GRIN2B: variants seen among roughly 807,000 people sequenced by gnomAD.
The protein encoded by GRIN2B is glutamate ionotropic receptor NMDA type subunit 2B, also known as glutamate receptor ionotropic, NMDA 2B.
Under a neutral mutation model 114.5 loss-of-function variants are expected in GRIN2B, and 5 were observed. The ratio of observed to expected loss-of-function variants is 0.04; its 90% confidence interval spans 0.02 to 0.09. The LOEUF (loss-of-function observed/expected upper bound fraction) is 0.09. Ranked by LOEUF, GRIN2B falls within the 10% of genes least tolerant of loss-of-function variation. The probability of loss-of-function intolerance (pLI) is 1.00; values close to 1 mark genes in which losing one functional copy is unlikely to be tolerated. For synonymous variants in GRIN2B, 787 were observed against 745.1 expected (o/e 1.06, Z -0.92); for missense variants, 1,108 against 1,943.5 (o/e 0.57, Z 8.08).
intron 2 of GRIN2B, among the ~76,000 whole-genome samples, chr12:13,970,599 G>A (rs534866928): frequency 6.0e-5 from 9 of 150,666 alleles, no homozygotes; most frequent in South Asian, 2.1e-4. Flanking sequence ...GTCCTCACAG[G>A]AAAATAAAAA....
chr12:13,754,799 G>A (rs916514617), intron 3 of GRIN2B, among the ~76,000 whole-genome samples: 13 of 152,084 alleles, frequency 8.5e-5, no homozygotes, highest in Admixed American at 8.5e-4. Flanking sequence ...GGTTTGACCT[G>A]GGCATTGCAC....
At chr12:13,951,074 C>T (rs1258179337) in intron 2 of GRIN2B, among the ~76,000 whole-genome samples, 2 of 151,918 alleles carry the variant, frequency 1.3e-5, no homozygotes, top group Non-Finnish European at 2.9e-5. Flanking sequence ...ATATGGCCTG[C>T]CAGATAAAAT....
At chr12:13,902,201 C>A (rs1361980159) in intron 2 of GRIN2B, among the ~76,000 whole-genome samples, 1 of 151,928 alleles carries the variant, frequency 6.6e-6, no homozygotes, top group East Asian at 1.9e-4. Context: ...CCATCGTATT[C>A]TTTCTCTTTA....
At chr12:13,631,591 G>A (rs1201571803) in intron 5 of GRIN2B, among the ~76,000 whole-genome samples, 2 of 152,222 alleles carry the variant, frequency 1.3e-5, no homozygotes, top group Non-Finnish European at 2.9e-5. Flanking sequence ...ACTGGGCTAA[G>A]TGGTAGGTTT....
At chr12:13,717,583 A>G (rs781182897) in intron 4 of GRIN2B, among the ~76,000 whole-genome samples, 1 of 151,982 alleles carries the variant, frequency 6.6e-6, no homozygotes, top group Non-Finnish European at 1.5e-5. Flanking sequence ...GTAGGCATTC[A>G]GTAAATATTT....
chr12:13,952,535 T>G (rs1867504568), intron 2 of GRIN2B, among the ~76,000 whole-genome samples: 1 of 152,176 alleles, frequency 6.6e-6, no homozygotes, highest in African/African-American at 2.4e-5. Context: ...CCTCTCTCCT[T>G]CCTGCATTCC....
intron 2 of GRIN2B, among the ~76,000 whole-genome samples, chr12:13,941,443 A>G (rs1867250979): frequency 6.6e-6 from 1 of 152,212 alleles, no homozygotes; most frequent in East Asian, 1.9e-4. Flanking sequence ...CAAGAAAAAA[A>G]TCACAATGAT....
chr12:13,911,590 T>G (rs1260029640), intron 2 of GRIN2B, among the ~76,000 whole-genome samples: 1 of 152,182 alleles, frequency 6.6e-6, no homozygotes, highest in Non-Finnish European at 1.5e-5. Flanking sequence ...TCCCTTTTCT[T>G]CTATGGCTTT....
chr12:13,552,342 G>T lies in GRIN2B; in HGVS notation c.*10441C>A, dbSNP rs1030142431. ...TCCGCTTTGGTCCTTGCTCTTTCAA[G>T]TTTCCCTACTTTCCGAAGCTATCAT... On this transcript the variant is annotated 3_prime_UTR_variant, in exon 14 of 14. Coordinates refer to ENST00000609686, the MANE Select transcript of GRIN2B (RefSeq NM_000834.5). The T allele has an allele frequency of 2.0e-5, 3 of 152,138 alleles. No homozygotes were observed. The highest frequency in any genetic ancestry group is 4.8e-5 in the African/African-American group (2 of 41,418). 9.4% of individuals were successfully genotyped at this position (152,138 alleles called of 1,614,324 possible). A position where few individuals can be genotyped will look rare whatever the true frequency, so the allele number is the denominator to read the frequency against.
rs55736068 is a variant in GRIN2B, at chr12:13,926,960, G to GAA, written c.-19+52966_-19+52967dup. ...GAGCGCGACTCCGTCTCAAAAAAAAGAAAAAAAAAAAAAGACAAATTTGTA... is the reference window on the plus strand; with the variant it reads ...GAGCGCGACTCCGTCTCAAAAAAAAGAAAAAAAAAAAAAAAGACAAATTTGTA... On this transcript the variant is annotated intron_variant, in intron 2 of 13. Transcript: ENST00000609686. Among the ~76,000 whole-genome samples the GAA allele has an allele frequency of 7.7e-3, 1,092 of 142,366 alleles. 18 individuals are homozygous for GAA. The highest frequency in any genetic ancestry group is 0.021 in the African/African-American group (801 of 38,628). The allele number at this position is 142,366 out of a possible 152,430, so 93.4% of individuals were successfully genotyped here.
intron 4 of GRIN2B, among the ~76,000 whole-genome samples, chr12:13,703,492 T>C (rs1399944326): frequency 6.6e-6 from 1 of 152,218 alleles, no homozygotes; most frequent in Non-Finnish European, 1.5e-5. Context: ...TGAAAACATC[T>C]AGGCATCAAT....
At chr12:13,568,361 C>T (rs967712002) in intron 12 of GRIN2B, among the ~76,000 whole-genome samples, 6 of 152,140 alleles carry the variant, frequency 3.9e-5, no homozygotes, top group Non-Finnish European at 2.9e-5. Flanking sequence ...AAAAATTGAA[C>T]TTTGCTTGCA....
At chr12:13,960,915 A>T (rs1379300771) in intron 2 of GRIN2B, among the ~76,000 whole-genome samples, 1 of 152,188 alleles carries the variant, frequency 6.6e-6, no homozygotes, top group Non-Finnish European at 1.5e-5. Context: ...ACATCAAAGA[A>T]TGATGATTTC....
At chr12:13,900,119 A>C (rs1866418650) in intron 2 of GRIN2B, among the ~76,000 whole-genome samples, 1 of 152,152 alleles carries the variant, frequency 6.6e-6, no homozygotes, top group East Asian at 1.9e-4. Flanking sequence ...TTTCATATCA[A>C]CTCAAGAAAA....
At chr12:13,623,858 C>T (rs1477264931) in intron 5 of GRIN2B, among the ~76,000 whole-genome samples, 1 of 152,192 alleles carries the variant, frequency 6.6e-6, no homozygotes, top group Non-Finnish European at 1.5e-5. Context: ...CAATCTACCC[C>T]ATTCCCAAAG....
rs1157665931 is a variant in GRIN2B at position 13,550,595 on chromosome 12, G to A, written c.*12188C>T. The A allele has an allele frequency of 3.3e-5, 5 of 152,064 alleles. No individual in the cohort carries two copies. Among genetic ancestry groups the A allele is most frequent in the Non-Finnish European group, 7.3e-5 (5 of 68,030 alleles). 9.4% of individuals were successfully genotyped at this position (152,064 alleles called of 1,614,324 possible). On this transcript the variant is annotated 3_prime_UTR_variant, in exon 14 of 14. Coordinates refer to ENST00000609686, the MANE Select transcript of GRIN2B (RefSeq NM_000834.5). ...ACCAACCCATCAACAGGACCTTATG[G>A]ATTCCATCAGGTCAAATAGGACAGT... is the stretch of plus-strand genomic sequence containing the variant.
At chr12:13,569,788 T>G (rs1158113857) in intron 12 of GRIN2B, 42 bp downstream of exon 12, 1 of 1,261,986 alleles carries the variant, frequency 7.9e-7, no homozygotes, top group Non-Finnish European at 1.1e-6. Context: ...GGACTGGCCA[T>G]CAGTAGAGGA....
chr12:13,969,649 G>A lies in GRIN2B; in HGVS notation c.-19+10279C>T, dbSNP rs908631600. Among the ~76,000 whole-genome samples the A allele has an allele frequency of 2.0e-5, 3 of 152,154 alleles. No homozygotes were observed. In the East Asian group the frequency reaches 5.8e-4, roughly 29 times the overall value. ...TTTCATTCCACTTCTTGTCTTTAAA[G>A]GATATACAAATTCTGATTACATAAT... On this transcript the variant is annotated intron_variant, in intron 2 of 13. Transcript: ENST00000609686.
At chr12:13,766,677 T>C (rs1377859852) in intron 3 of GRIN2B, among the ~76,000 whole-genome samples, 1 of 152,234 alleles carries the variant, frequency 6.6e-6, no homozygotes, top group Non-Finnish European at 1.5e-5. Flanking sequence ...ACAGGACTTG[T>C]CCTTTATGAA....
Sources: allele counts gnomAD v4.1 joint callset (sites outside exome capture counted in the v4.1 genomes callset), GRCh38; gene constraint gnomAD v4.1.1; transcripts MANE v1.5; gene names NCBI Gene and HGNC (gene_info 2026-07-23, HGNC 2026-07-21).